The following RDH16 variants were observed in gnomAD, a reference collection of about 807,000 sequenced individuals.
RDH16 encodes human epidermal retinol dehydrogenase.
A neutral mutation model predicts 22.3 loss-of-function variants in RDH16; 25 were observed. The observed-to-expected ratio is 1.12, with a 90% confidence interval of 0.82 to 1.56. The LOEUF (loss-of-function observed/expected upper bound fraction) is 1.56. RDH16 is among the 40% of genes most tolerant of loss of function. RDH16 has a pLI of 0.00. For synonymous variants in RDH16, 154 were observed against 164.4 expected, an observed-to-expected ratio of 0.94 and a Z score of 0.48; for missense variants, 413 against 394.9, an observed-to-expected ratio of 1.05 and a Z score of -0.39.
chr12:56,951,687 C>T lies in RDH16; in HGVS notation c.*342G>A, dbSNP rs550098057. 4 of 320,812 alleles carry T rather than the reference C, an allele frequency of 1.2e-5. No homozygotes were observed. The East Asian group carries it at 2.4e-4, about 19-fold the overall frequency. The allele number at this position is 320,812 out of a possible 1,614,324, so 19.9% of individuals were successfully genotyped here. ...CTGATAAGGAAGCAGGAGGTAATGG[C>T]ATGGGCTGAGGCTCCTTCCACCTGC... On this transcript the variant is annotated 3_prime_UTR_variant, in exon 4 of 4. Transcript: ENST00000398138.
At chr12:56,954,159 C>T (rs1955906246) in intron 2 of RDH16, among the ~76,000 whole-genome samples, 1 of 152,228 alleles carries the variant, frequency 6.6e-6, no homozygotes, top group Non-Finnish European at 1.5e-5. Context: ...GCACCCATCT[C>T]CTGGTGTGGA....
At chr12:56,956,196 T>C (rs942929762) in intron 1 of RDH16, among the ~76,000 whole-genome samples, 3 of 152,128 alleles carry the variant, frequency 2.0e-5, no homozygotes, top group African/African-American at 4.8e-5. Context: ...TACAGAGACG[T>C]TGGCAAATAA....
rs1478574642 is a variant in RDH16, at chr12:56,957,334, T to C, written c.129A>G (p.Lys43=). 6.2e-7 allele frequency: 1 copy of C among 1,614,034 alleles called. No homozygotes were observed. The highest frequency in any genetic ancestry group is 8.5e-7 in the Non-Finnish European group (1 of 1,180,042). ...GTGCATCCAGCTGTCTGGCCAGCAG[T>C]TTCCCGAAGCCAGAGTCACAGCCCG... ...FITGCDSGFG[K]LLARQLDARG... The change falls in exon 1 of 4, where the codon AAA becomes AAG. Residue 43 remains lysine (K), a synonymous_variant. Coordinates refer to ENST00000398138, the MANE Select transcript of RDH16 (RefSeq NM_003708.5).
At position 56,951,812 on chromosome 12, in the gene RDH16, CCT is replaced by C; in HGVS notation, c.*215_*216del. ...ATGCACCCAGGAGCACTATTTGGTCCCTGTTTCTCAGCTGCGTAACTTGAAAC... is the reference window on the plus strand; with the variant it reads ...ATGCACCCAGGAGCACTATTTGGTCCGTTTCTCAGCTGCGTAACTTGAAAC... On this transcript the variant is annotated 3_prime_UTR_variant, in exon 4 of 4. Coordinates refer to ENST00000398138, the MANE Select transcript of RDH16 (RefSeq NM_003708.5). The C allele has an allele frequency of 1.7e-6, 1 of 580,638 alleles. No homozygotes were observed. The highest frequency in any genetic ancestry group is 2.0e-5 in the South Asian group (1 of 48,794). The allele number at this position is 580,638 out of a possible 1,614,324, so 36.0% of individuals were successfully genotyped here.
intron 2 of RDH16, among the ~76,000 whole-genome samples, chr12:56,954,265 A>G (rs1489734640): frequency 1.3e-5 from 2 of 152,106 alleles, no homozygotes; most frequent in Non-Finnish European, 2.9e-5. Context: ...GTTTACAAGT[A>G]TTTCAGATTC....
At chr12:56,957,129 T>G (rs766653770) in intron 1 of RDH16, 21 bp downstream of exon 1, 1 of 1,587,756 alleles carries the variant, frequency 6.3e-7, no homozygotes, top group Admixed American at 1.7e-5. Context: ...ACAGACAGAC[T>G]TGACAAACCT....
At chr12:56,952,751 C>G in intron 3 of RDH16, 76 bp downstream of exon 3, 4 of 1,521,668 alleles carry the variant, frequency 2.6e-6, no homozygotes, top group Non-Finnish European at 3.5e-6. Flanking sequence ...ACTCTAATGC[C>G]CTTCAGACAC....
intron 2 of RDH16, among the ~76,000 whole-genome samples, chr12:56,953,942 A>G (rs1229701840): frequency 1.3e-5 from 2 of 152,122 alleles, no homozygotes; most frequent in Non-Finnish European, 2.9e-5. Flanking sequence ...GTTGTTAAGG[A>G]TGGATTTTTG....
chr12:56,957,276 C>A lies in RDH16; in HGVS notation c.187G>T (p.Glu63Ter). 1 of 1,614,202 alleles carries A rather than the reference C, an allele frequency of 6.2e-7. No individual in the cohort carries two copies. The highest frequency in any genetic ancestry group is 1.1e-5 in the South Asian group (1 of 91,078). Residue 63 changes from glutamate to a stop codon, truncating the protein, a stop_gained, in exon 1 of 4, where the codon GAG (glutamate) becomes TAG (stop). Transcript: ENST00000398138. LOFTEE classifies it high-confidence loss of function. ...GLRVLAACLT[E>*]KGAEQLRGQT... The stretch of plus-strand genomic sequence containing the variant: ...CCCCTCAGCTGCTCGGCTCCTTTCT[C>A]CGTCAGACATGCAGCCAGCACCCGC...
At position 56,957,228 on chromosome 12, in the gene RDH16, T is replaced by C; in HGVS notation, c.235A>G (p.Thr79Ala). The part of the protein sequence containing the change: ...LRGQTSDRLE[T>A]VTLDVTKTES... ...GTCTTGGTAACATCCAGGGTCACCG[T>C]CTCCAGCCTGTCTGAAGTCTGGCCC... Residue 79 changes from threonine to alanine, a missense_variant, in exon 1 of 4, where the codon ACG becomes GCG. By Grantham distance (58) the Thr-to-Ala change is moderately conservative. Transcript: ENST00000398138. The C allele has an allele frequency of 6.2e-7, 1 of 1,614,098 alleles. No homozygotes were observed. The highest frequency in any genetic ancestry group is 8.5e-7 in the Non-Finnish European group (1 of 1,180,012).
chr12:56,951,976 C>G lies in RDH16; in HGVS notation c.*53G>C, dbSNP rs142499380. The G allele has an allele frequency of 1.3e-6, 2 of 1,526,694 alleles. No homozygotes were observed. Among genetic ancestry groups the G allele is most frequent in the Non-Finnish European group, 1.8e-6 (2 of 1,103,872 alleles). 94.6% of individuals were successfully genotyped at this position (1,526,694 alleles called of 1,614,324 possible). On this transcript the variant is annotated 3_prime_UTR_variant, in exon 4 of 4. Transcript: ENST00000398138. ...ACTTTATATCTCTCCCAAGGATACA[C>G]CACCCCTCATAGCACACCCCAAATC...
In RDH16 at chr12:56,952,148, T is replaced by TA; in HGVS notation, c.834dup (p.Thr279TyrfsTer102). ...GCATCCCAGCCAGCTGAGTAGCGAG[T>TA]ACGGGGGTGGCAGGCAATCAGCGCA... On this transcript the variant is annotated frameshift_variant, in exon 4 of 4. Coordinates refer to ENST00000398138, the MANE Select transcript of RDH16 (RefSeq NM_003708.5). LOFTEE classifies it low-confidence loss of function (END_TRUNC). The TA allele has an allele frequency of 6.2e-7, 1 of 1,614,106 alleles. No homozygotes were observed. Among genetic ancestry groups the TA allele is most frequent in the South Asian group, 1.1e-5 (1 of 91,070 alleles).
In RDH16 at chr12:56,951,937, G is replaced by A. The variant is rs558453798; in HGVS notation, c.*92C>T. On this transcript the variant is annotated 3_prime_UTR_variant, in exon 4 of 4. Transcript: ENST00000398138. ...GGGATTGGTGCCCTACTGACCGGAC[G>A]GCTCCCTCCCTCCACTTTATATCTC... 33 of 1,090,978 alleles carry A rather than the reference G, an allele frequency of 3.0e-5. No homozygotes were observed. Among genetic ancestry groups the A allele is most frequent in the East Asian group, 1.5e-4 (6 of 40,160 alleles). 67.6% of individuals were successfully genotyped at this position (1,090,978 alleles called of 1,614,324 possible).
rs767394885 is a variant in RDH16 at position 56,952,013 on chromosome 12, G to A, written c.*16C>T. The A allele has an allele frequency of 3.1e-6, 5 of 1,607,530 alleles. No homozygotes were observed. The highest frequency in any genetic ancestry group is 4.3e-6 in the Non-Finnish European group (5 of 1,174,314). ...GCACACCCCAAATCCATGCAACCAT[G>A]CATCCAACCTTAGCTTCATAGAGCC... On this transcript the variant is annotated 3_prime_UTR_variant, in exon 4 of 4. Coordinates refer to ENST00000398138, the MANE Select transcript of RDH16 (RefSeq NM_003708.5).
intron 3 of RDH16, 110 bp from the exon 4 acceptor site, chr12:56,952,356 C>T: frequency 1.0e-6 from 1 of 993,926 alleles, no homozygotes; most frequent in Admixed American, 2.2e-5. Flanking sequence ...CCACAACCCC[C>T]AGTCAAGCAA....
intron 2 of RDH16, 60 bp from the exon 3 acceptor site, chr12:56,953,050 C>A: frequency 6.9e-7 from 1 of 1,448,840 alleles, no homozygotes; most frequent in Non-Finnish European, 9.4e-7. Flanking sequence ...AAAACACAAA[C>A]AATAAAAGTA....
In RDH16 at chr12:56,957,514, C is replaced by T; in HGVS notation, c.-52G>A. ...GGCTGTGGGGGAAACCAGAGTCTGG[C>T]CTCTGTTCAGACAGGAGGATTTAAG... On this transcript the variant is annotated 5_prime_UTR_variant, in exon 1 of 4. Transcript: ENST00000398138. 1 of 1,555,002 alleles carries T rather than the reference C, an allele frequency of 6.4e-7. No homozygotes were observed. The highest frequency in any genetic ancestry group is 8.7e-7 in the Non-Finnish European group (1 of 1,143,732).
In RDH16 at chr12:56,956,012, G is replaced by C. The variant is rs183361536; in HGVS notation, c.314-848C>G. Among the ~76,000 whole-genome samples, 37 of 152,210 alleles carry C rather than the reference G, an allele frequency of 2.4e-4. No homozygotes were observed. The East Asian group carries it at 7.0e-3, about 29-fold the overall frequency. On this transcript the variant is annotated intron_variant, in intron 1 of 3. Coordinates refer to ENST00000398138, the MANE Select transcript of RDH16 (RefSeq NM_003708.5). The stretch of plus-strand genomic sequence containing the variant: ...GAGTTTTCAACCCACAGAGCTAGGG[G>C]GCAGGAGCACAGGGTCCCTTGAGTC...
In RDH16 at chr12:56,951,675, A is replaced by G. The variant is rs934387931; in HGVS notation, c.*354T>C. ...TTAACACACAGCCTGATAAGGAAGC[A>G]GGAGGTAATGGCATGGGCTGAGGCT... On this transcript the variant is annotated 3_prime_UTR_variant, in exon 4 of 4. Coordinates refer to ENST00000398138, the MANE Select transcript of RDH16 (RefSeq NM_003708.5). 2 of 295,330 alleles carry G rather than the reference A, an allele frequency of 6.8e-6. No homozygotes were observed. Among genetic ancestry groups the G allele is most frequent in the Non-Finnish European group, 1.3e-5 (2 of 152,424 alleles). 18.3% of individuals were successfully genotyped at this position (295,330 alleles called of 1,614,324 possible). A position where few individuals can be genotyped will look rare whatever the true frequency, so the allele number is the denominator to read the frequency against.
Sources: gnomAD v4.1 joint callset for allele counts (sites outside exome capture counted in the v4.1 genomes callset) on GRCh38, gnomAD v4.1.1 for gene constraint, MANE v1.5 for transcripts, NCBI Gene and HGNC (gene_info 2026-07-23, HGNC 2026-07-21) for gene names.